Variants in LMNTD1 observed in about 807,000 individuals in gnomAD.
The protein encoded by LMNTD1 is lamin tail domain-containing protein 1.
A neutral mutation model predicts 50.9 loss-of-function variants in LMNTD1; 35 were observed. The observed-to-expected ratio is 0.69, with a 90% CI of 0.53 to 0.91. LMNTD1 has a LOEUF of 0.91. LMNTD1 is among the 40% of genes least tolerant of loss of function. The pLI, the probability that LMNTD1 is intolerant of heterozygous loss-of-function variation, is 0.00. For missense variants in LMNTD1, 470 were observed against 475.5 expected (o/e 0.99, Z 0.11); for synonymous variants, 153 against 161.9 (o/e 0.94, Z 0.42).
At chr12:25,611,483 G>A (rs1033235290) in intron 1 of LMNTD1, among the ~76,000 whole-genome samples, 7 of 152,174 alleles carry the variant, frequency 4.6e-5, no homozygotes, top group African/African-American at 1.7e-4. Context: ...TGGAATCCTC[G>A]ACTATGTAGC....
chr12:25,477,341 G>A (rs1252666444), intron 9 of LMNTD1, among the ~76,000 whole-genome samples: 1 of 152,080 alleles, frequency 6.6e-6, no homozygotes, highest in Non-Finnish European at 1.5e-5. Flanking sequence ...GAGAGAGAAA[G>A]TGAAGAAATA....
upstream of LMNTD1, among the ~76,000 whole-genome samples, chr12:25,555,380 C>T (rs1017108586): frequency 6.6e-6 from 1 of 152,132 alleles, no homozygotes; most frequent in Non-Finnish European, 1.5e-5. Context: ...CTGATGAATC[C>T]TCTGCTTTAC....
chr12:25,615,543 C>A (rs1006318109), intron 1 of LMNTD1, among the ~76,000 whole-genome samples: 4 of 151,946 alleles, frequency 2.6e-5, no homozygotes, highest in African/African-American at 4.8e-5. Context: ...CTCACTGCAA[C>A]CTTTGCCTTC....
chr12:25,615,396 A>G lies in LMNTD1; in HGVS notation c.58+33098T>C, dbSNP rs193194052. Among the ~76,000 whole-genome samples the G allele has an allele frequency of 8.5e-5, 13 of 152,332 alleles. No homozygotes were observed. The East Asian group carries it at 2.1e-3, about 25-fold the overall frequency. ...AACTCCAAGCCAGAGAAGGTTGTGA[A>G]GATTCTGGACAACGTTCAGAAGAGA... On this transcript the variant is annotated intron_variant, in intron 1 of 7. Coordinates refer to the LMNTD1 transcript ENST00000445693.
intron 1 of LMNTD1, among the ~76,000 whole-genome samples, chr12:25,617,552 G>A (rs2136553714): frequency 6.6e-6 from 1 of 152,270 alleles, no homozygotes; most frequent in East Asian, 1.9e-4. Context: ...GTGGGAGCTT[G>A]CAGAAGAGCC....
At chr12:25,519,294 T>C (rs529679469) in intron 7 of LMNTD1, among the ~76,000 whole-genome samples, 3 of 152,186 alleles carry the variant, frequency 2.0e-5, no homozygotes, top group South Asian at 4.2e-4. Flanking sequence ...ACAGTGCCCA[T>C]GAAAAGTGAA....
intron 1 of LMNTD1, among the ~76,000 whole-genome samples, chr12:25,565,194 T>C (rs1377039406): frequency 6.6e-6 from 1 of 152,290 alleles, no homozygotes; most frequent in East Asian, 1.9e-4. Flanking sequence ...TCAATATTAT[T>C]ATTTATAACT....
At chr12:25,486,704 T>TTTAGCATGAAGGGTTGTTGAA (rs1029574188) in intron 9 of LMNTD1, among the ~76,000 whole-genome samples, 1 of 150,416 alleles carries the variant, frequency 6.6e-6, no homozygotes, top group African/African-American at 2.5e-5. Flanking sequence ...ATTGAGAGTT[T>TTTAGCATGAAGGGTTGTTGAA]TTAGCATGAA....
intron 1 of LMNTD1, among the ~76,000 whole-genome samples, chr12:25,628,510 C>A (rs1946645126): frequency 1.3e-5 from 2 of 152,142 alleles, no homozygotes. Flanking sequence ...TGTTTACATA[C>A]TAATTCCTGG....
upstream of LMNTD1, among the ~76,000 whole-genome samples, chr12:25,554,901 TA>T (rs1367682907): frequency 4.0e-5 from 6 of 151,874 alleles, no homozygotes; most frequent in African/African-American, 1.4e-4. Context: ...CCGTCTCTAC[TA>T]AAAAAATACA....
chr12:25,527,325 C>G (rs1565974745), intron 4 of LMNTD1, among the ~76,000 whole-genome samples: 1 of 110,718 alleles, frequency 9.0e-6, no homozygotes, highest in Non-Finnish European at 1.9e-5. Flanking sequence ...AAATCATTTA[C>G]TTTATTTCTG....
chr12:25,639,523 A>G (rs1946906933), intron 1 of LMNTD1, among the ~76,000 whole-genome samples: 1 of 152,188 alleles, frequency 6.6e-6, no homozygotes. Context: ...ATTTTTTCAA[A>G]AAAGATATAC....
intron 1 of LMNTD1, among the ~76,000 whole-genome samples, chr12:25,640,021 GC>G (rs1201238163): frequency 3.9e-5 from 6 of 152,096 alleles, no homozygotes; most frequent in Non-Finnish European, 5.9e-5. Context: ...TTGAAAACAT[GC>G]TAAGTGAAAG....
intron 1 of LMNTD1, among the ~76,000 whole-genome samples, chr12:25,610,778 A>C (rs1039747562): frequency 6.6e-6 from 1 of 152,192 alleles, no homozygotes; most frequent in Non-Finnish European, 1.5e-5. Flanking sequence ...CAAGGTTATT[A>C]GTTTGGACTG....
chr12:25,600,325 A>G (rs892135272), intron 1 of LMNTD1, among the ~76,000 whole-genome samples: 1 of 151,852 alleles, frequency 6.6e-6, no homozygotes, highest in Non-Finnish European at 1.5e-5. Context: ...TTAAATCTAT[A>G]ATCTCAAAAT....
At chr12:25,599,783 C>A (rs57905082) in intron 1 of LMNTD1, among the ~76,000 whole-genome samples, 2 of 151,402 alleles carry the variant, frequency 1.3e-5, no homozygotes, top group East Asian at 3.9e-4. Context: ...GAAACGCTGA[C>A]GAAAGAAATA....
chr12:25,640,814 C>G (rs1946946032), intron 1 of LMNTD1, among the ~76,000 whole-genome samples: 1 of 152,042 alleles, frequency 6.6e-6, no homozygotes, highest in Non-Finnish European at 1.5e-5. Flanking sequence ...AGGTGCCCAC[C>G]ACCATGCCTG....
intron 4 of LMNTD1, among the ~76,000 whole-genome samples, chr12:25,528,845 CTA>C (rs1942009759): frequency 6.6e-6 from 1 of 152,138 alleles, no homozygotes; most frequent in South Asian, 2.1e-4. Flanking sequence ...TCTGGACTAC[CTA>C]TTTCCCCCAA....
intron 1 of LMNTD1, among the ~76,000 whole-genome samples, chr12:25,639,650 A>C (rs561918721): frequency 6.6e-6 from 1 of 152,342 alleles, no homozygotes; most frequent in East Asian, 1.9e-4. Flanking sequence ...GACAGAAAAT[A>C]GCAAGTCTTG....
Sources: gnomAD v4.1 joint callset for allele counts (sites outside exome capture counted in the v4.1 genomes callset) on GRCh38, gnomAD v4.1.1 for gene constraint, MANE v1.5 for transcripts, NCBI Gene and HGNC (gene_info 2026-07-23, HGNC 2026-07-21) for gene names.